Variants in DST observed in about 807,000 individuals in gnomAD.
The protein encoded by DST is dystonin.
A neutral mutation model predicts 875.2 loss-of-function variants in DST; 253 were observed. The ratio of observed to expected loss-of-function variants is 0.29; its 90% confidence interval spans 0.26 to 0.32. DST has a LOEUF of 0.32. DST is among the 10% of genes least tolerant of loss of function. The pLI is 1.00. For missense variants in DST, 8,287 were observed against 9,111.6 expected (o/e 0.91, Z 3.68); for synonymous variants, 3,124 against 3,197.1 (o/e 0.98, Z 0.77).
intron 4 of DST, among the ~76,000 whole-genome samples, chr6:56,810,369 A>G (rs16888171): frequency 0.23 from 34,866 of 152,038 alleles, 5,030 homozygotes; most frequent in African/African-American, 0.4. Flanking sequence ...CAGAAATGGC[A>G]GCATTTTATA....
intron 34 of DST, among the ~76,000 whole-genome samples, chr6:56,626,065 T>C (rs2152749544): frequency 6.6e-6 from 1 of 151,364 alleles, no homozygotes; most frequent in Middle Eastern, 3.5e-3. Context: ...GGCTGTACAA[T>C]GTGTTCGTTG....
chr6:56,827,542 A>G (rs994879290), intron 4 of DST, among the ~76,000 whole-genome samples: 9 of 151,916 alleles, frequency 5.9e-5, no homozygotes, highest in Non-Finnish European at 1.2e-4. Flanking sequence ...AAACAATAGC[A>G]ACAATATTAT....
At chr6:56,790,856 A>T (rs1233314156) in intron 4 of DST, among the ~76,000 whole-genome samples, 1 of 152,228 alleles carries the variant, frequency 6.6e-6, no homozygotes, top group Admixed American at 6.5e-5. Flanking sequence ...GTTGTTTTGA[A>T]CAAAAGAAGT....
intron 4 of DST, among the ~76,000 whole-genome samples, chr6:56,797,653 T>C (rs1045475308): frequency 6.6e-6 from 1 of 151,846 alleles, no homozygotes; most frequent in Non-Finnish European, 1.5e-5. Flanking sequence ...ACCCTATCTC[T>C]ACTAAAAATA....
chr6:56,560,605 T>C (rs570053507), intron 57 of DST, among the ~76,000 whole-genome samples, 182 bp from the exon 58 acceptor site: 1 of 152,286 alleles, frequency 6.6e-6, no homozygotes, highest in Admixed American at 6.5e-5. Context: ...TAGTGTTCAA[T>C]TGTGTGATAC....
chr6:56,571,642 T>G (rs1322281187), intron 53 of DST, among the ~76,000 whole-genome samples: 2 of 152,214 alleles, frequency 1.3e-5, no homozygotes, highest in Non-Finnish European at 2.9e-5. Context: ...CAGGTTCATA[T>G]CTCATCTACT....
intron 3 of DST, among the ~76,000 whole-genome samples, chr6:56,860,403 A>T (rs547268561): frequency 1.3e-5 from 2 of 152,366 alleles, no homozygotes; most frequent in Non-Finnish European, 2.9e-5. Context: ...TATTTCAATT[A>T]AATGGACAAC....
chr6:56,720,459 G>T (rs1320331942), intron 5 of DST, among the ~76,000 whole-genome samples: 1 of 151,506 alleles, frequency 6.6e-6, no homozygotes, highest in African/African-American at 2.4e-5. Context: ...AGATAAACAT[G>T]TGAACAAAGG....
chr6:56,470,089 T>A, intron 96 of DST, 39 bp downstream of exon 96: 1 of 1,608,898 alleles, frequency 6.2e-7, no homozygotes, highest in Middle Eastern at 1.7e-4. Flanking sequence ...TGGCAGAACA[T>A]ACTATCAGTG....
chr6:56,829,578 C>T (rs781635547), intron 4 of DST, among the ~76,000 whole-genome samples: 22 of 152,022 alleles, frequency 1.4e-4, no homozygotes, highest in Non-Finnish European at 3.1e-4. Flanking sequence ...AAAATTAAAA[C>T]CATGAATGTG....
intron 3 of DST, among the ~76,000 whole-genome samples, chr6:56,878,083 G>A (rs1365266230): frequency 6.6e-6 from 1 of 152,298 alleles, no homozygotes; most frequent in East Asian, 1.9e-4. Context: ...AATGCCCTGT[G>A]CTAAACCATC....
intron 9 of DST, among the ~76,000 whole-genome samples, chr6:56,677,200 T>C (rs2099135280): frequency 6.6e-6 from 1 of 152,174 alleles, no homozygotes; most frequent in Admixed American, 6.5e-5. Flanking sequence ...AAAACAGTCA[T>C]ATCAAGTGCT....
Position 56,609,148 on chromosome 6 carries a change from A to G in DST, c.5480T>C (p.Ile1827Thr). ...DLKDAKSHGL[I>T]DEQILCQLKE... is the part of the protein sequence containing the mutation. ...GAGTTGGCACAGAATTTGTTCATCA[A>G]TAAGGCCATGACTTTTGGCATCTTT... The change falls in exon 40 of 104, where the codon ATT (isoleucine) becomes ACT (threonine). Residue 1827 changes from isoleucine to threonine, a missense_variant. Around this residue, in one of 10 missense-constraint regions of DST, gnomAD observed 3,138 missense variants for 3,116.6 expected, o/e 1.01. Coordinates refer to ENST00000680361, the MANE Select transcript of DST (RefSeq NM_001374736.1). The G allele has an allele frequency of 6.2e-7, 1 of 1,613,888 alleles. No homozygotes were observed. The highest frequency in any genetic ancestry group is 1.3e-5 in the African/African-American group (1 of 75,042).
chr6:56,648,090 G>A (rs2098954271), intron 13 of DST, among the ~76,000 whole-genome samples: 1 of 152,204 alleles, frequency 6.6e-6, no homozygotes, highest in African/African-American at 2.4e-5. Flanking sequence ...TATACTGGAA[G>A]TCAGACATGT....
intron 3 of DST, among the ~76,000 whole-genome samples, chr6:56,894,927 G>A (rs1440029667): frequency 8.4e-5 from 6 of 71,082 alleles, no homozygotes; most frequent in East Asian, 4.2e-4. Flanking sequence ...CAGTAGGGGC[G>A]GCCGGGCAGA....
intron 3 of DST, among the ~76,000 whole-genome samples, chr6:56,853,997 G>A (rs1766611766): frequency 6.6e-6 from 1 of 152,068 alleles, no homozygotes; most frequent in Admixed American, 6.6e-5. Flanking sequence ...TGATCCAAGT[G>A]TTTTAACAAT....
At chr6:56,785,019 C>T (rs2099702212) in intron 4 of DST, among the ~76,000 whole-genome samples, 1 of 152,178 alleles carries the variant, frequency 6.6e-6, no homozygotes, top group South Asian at 2.1e-4. Context: ...TGGGTATCAG[C>T]GGCAGTGTCT....
rs1447611962 is a variant in DST at position 56,648,624 on chromosome 6, G to T, written c.1500C>A (p.His500Gln). The T allele has an allele frequency of 4.4e-6, 7 of 1,590,024 alleles. No individual in the cohort carries two copies. Among genetic ancestry groups the T allele is most frequent in the Non-Finnish European group, 5.1e-6 (6 of 1,165,452 alleles). Residue 500 changes from histidine (H) to glutamine (Q), a missense_variant, in exon 13 of 104, where the codon CAC (histidine) becomes CAA (glutamine). Transcript: ENST00000680361. ...TTCTCTCAGACATTGTGGTCACATG[G>T]TGTCTAATCCATTGGATGAGGTAGT... is the stretch of plus-strand genomic sequence containing the variant. ...MVNYLIQWIR[H>Q]HVTTMSERTF...
intron 15 of DST, chr6:56,642,704 C>T: frequency 1.2e-6 from 2 of 1,614,096 alleles, no homozygotes; most frequent in Non-Finnish European, 1.7e-6. Context: ...AGAAGATTTT[C>T]ATTTGAATCA....
Sources: gnomAD v4.1 joint callset for allele counts (sites outside exome capture counted in the v4.1 genomes callset) on GRCh38, gnomAD v4.1.1 for gene constraint, gnomAD v4.1.1 regional missense constraint, MANE v1.5 for transcripts, NCBI Gene and HGNC (gene_info 2026-07-23, HGNC 2026-07-21) for gene names.